CCDC187: variants seen among roughly 807,000 people sequenced by gnomAD.
CCDC187 encodes coiled-coil domain-containing protein 187.
A neutral mutation model predicts 38.0 loss-of-function variants in CCDC187; 32 were observed. The observed-to-expected ratio is 0.84, with a 90% confidence interval of 0.64 to 1.13. CCDC187 has a LOEUF of 1.13. CCDC187 is among the 50% of genes most tolerant of loss of function. The pLI is 0.00. For synonymous variants in CCDC187, 333 were observed against 347.9 expected (o/e 0.96, Z 0.48); for missense variants, 707 against 786.8 (o/e 0.90, Z 1.21).
chr9:136,258,685 A>G lies in CCDC187; in HGVS notation c.4366+247T>C. ...AGATGAACGAAGTTGCGACTAAAAC[A>G]ATCCCAGCCAGTTATGACTTTTAAT... On this transcript the variant is annotated intron_variant, in intron 22 of 25. Transcript: ENST00000638797. This position sits in a 1 kb window ranked among gnomAD's most constrained non-coding sequence, Gnocchi z 4.3. The G allele has an allele frequency of 1.0e-6, 1 of 985,394 alleles. No individual in the cohort carries two copies. The highest frequency in any genetic ancestry group is 1.2e-6 in the Non-Finnish European group (1 of 829,874). The allele number at this position is 985,394 out of a possible 1,614,324, so 61.0% of individuals were successfully genotyped here.
At chr9:136,271,678 G>T (rs537896774) in intron 14 of CCDC187, among the ~76,000 whole-genome samples, 249 of 147,472 alleles carry the variant, frequency 1.7e-3, no homozygotes, top group African/African-American at 6.0e-3. Context: ...CGCGATCTCG[G>T]CTCACTGCAA....
intron 14 of CCDC187, among the ~76,000 whole-genome samples, chr9:136,271,926 A>G (rs1245983478): frequency 6.6e-6 from 1 of 152,192 alleles, no homozygotes; most frequent in East Asian, 1.9e-4. Flanking sequence ...AAAAGCAGCC[A>G]GAGAAACAAA....
chr9:136,299,362 C>A (rs1181615892), intron 3 of CCDC187, among the ~76,000 whole-genome samples: 1 of 152,176 alleles, frequency 6.6e-6, no homozygotes, highest in East Asian at 1.9e-4. Context: ...CGACCTGGAC[C>A]CACCCGGCCG....
chr9:136,291,679 G>C (rs1456773858), intron 5 of CCDC187, 34 bp from the exon 6 acceptor site: 2 of 398,572 alleles, frequency 5.0e-6, no homozygotes, highest in African/African-American at 4.1e-5. Flanking sequence ...GTGAGGAGGG[G>C]AGCGGAGGGG....
rs2131360639 is a variant in CCDC187 at position 136,300,331 on chromosome 9, G to A, written c.626-13C>T. ...AAGATGCTGAAACCTGGAACAGGGTGAAAAGAAGAAGGCAGCGTGAGAAGA... is the reference window on the plus strand; with the variant it reads ...AAGATGCTGAAACCTGGAACAGGGTAAAAAGAAGAAGGCAGCGTGAGAAGA... On this transcript the variant is annotated splice_polypyrimidine_tract_variant and intron_variant, in intron 2 of 25. Transcript: ENST00000638797. The A allele has an allele frequency of 2.5e-6, 1 of 398,640 alleles. No individual in the cohort carries two copies. The highest frequency in any genetic ancestry group is 3.6e-5 in the East Asian group (1 of 28,078). The allele number at this position is 398,640 out of a possible 1,614,324, so 24.7% of individuals were successfully genotyped here. A position where few individuals can be genotyped will look rare whatever the true frequency, so the allele number is the denominator to read the frequency against.
At chr9:136,299,878 C>T (rs993339460) in intron 3 of CCDC187, among the ~76,000 whole-genome samples, 10 of 152,208 alleles carry the variant, frequency 6.6e-5, no homozygotes, top group Non-Finnish European at 1.5e-4. Flanking sequence ...AGACCCACTC[C>T]CTGTGGCTGG....
rs1249741337 is a variant in CCDC187, at chr9:136,291,259, A to T, written c.1354T>A (p.Ser452Thr). 1 of 398,280 alleles carries T rather than the reference A, an allele frequency of 2.5e-6. No individual in the cohort carries two copies. Among genetic ancestry groups the T allele is most frequent in the Admixed American group, 4.4e-5 (1 of 22,708 alleles). 24.7% of individuals were successfully genotyped at this position (398,280 alleles called of 1,614,324 possible). The change falls in exon 6 of 26, where the codon TCC becomes ACC. Residue 452 changes from serine to threonine, a missense_variant. Physicochemically the swap from Ser to Thr is moderately conservative, Grantham distance 58. Coordinates refer to ENST00000638797, the MANE Select transcript of CCDC187 (RefSeq NM_001378188.1). The part of the protein sequence containing the change: ...RSVHTWEPWS[S>T]STARESCPQR... ...GGACAGGACTCCCGTGCAGTGGAGG[A>T]GCTCCAGGGCTCCCAGGTGTGGACA...
At position 136,290,689 on chromosome 9, in the gene CCDC187, A is replaced by G. The variant is rs1358373044; in HGVS notation, c.1924T>C (p.Phe642Leu). The G allele has an allele frequency of 7.5e-6, 3 of 398,140 alleles. No individual in the cohort carries two copies. The highest frequency in any genetic ancestry group is 4.1e-5 in the African/African-American group (2 of 48,488). 24.7% of individuals were successfully genotyped at this position (398,140 alleles called of 1,614,324 possible). A position where few individuals can be genotyped will look rare whatever the true frequency, so the allele number is the denominator to read the frequency against. Residue 642 changes from phenylalanine to leucine, a missense_variant, in exon 6 of 26, where the codon TTC becomes CTC. Phe to Leu is a conservative substitution (Grantham distance 22). Transcript: ENST00000638797. ...CGGGCCTGCGCCTTCTGGCGCATGA[A>G]CTCCCGCAAGGACTCAGAGCTGTGC... is the stretch of plus-strand genomic sequence containing the variant. The part of the protein sequence containing the change: ...PSHSSESLRE[F>L]MRQKAQARRR...
chr9:136,259,008 G>T lies in CCDC187; in HGVS notation c.4297-7C>A. The T allele has an allele frequency of 2.0e-6, 2 of 986,058 alleles. No individual in the cohort carries two copies. The highest frequency in any genetic ancestry group is 2.4e-6 in the Non-Finnish European group (2 of 830,458). The allele number at this position is 986,058 out of a possible 1,614,324, so 61.1% of individuals were successfully genotyped here. Reference sequence around the variant, plus strand: ...GCCCCTCCGCCTCCTCGGCCTGGGGGGTGAGACGGGAGTGGACATGGCACA... The same window carrying T: ...GCCCCTCCGCCTCCTCGGCCTGGGGTGTGAGACGGGAGTGGACATGGCACA... On this transcript the variant is annotated splice_polypyrimidine_tract_variant and splice_region_variant and intron_variant, in intron 21 of 25. Coordinates refer to ENST00000638797, the MANE Select transcript of CCDC187 (RefSeq NM_001378188.1).
chr9:136,283,429 G>A (rs1831094470), intron 9 of CCDC187, among the ~76,000 whole-genome samples: 1 of 152,268 alleles, frequency 6.6e-6, no homozygotes, highest in South Asian at 2.1e-4. Context: ...GGACAGGCCA[G>A]GCCCCTTTCC....
At chr9:136,302,138 A>G (rs1444391539) in intron 2 of CCDC187, among the ~76,000 whole-genome samples, 3 of 152,052 alleles carry the variant, frequency 2.0e-5, no homozygotes, top group Admixed American at 6.6e-5. Context: ...TGAACCCGCA[A>G]TGAGATTGCA....
chr9:136,294,191 CA>C (rs1443045794), intron 4 of CCDC187, among the ~76,000 whole-genome samples: 1 of 151,790 alleles, frequency 6.6e-6, no homozygotes, highest in Non-Finnish European at 1.5e-5. Flanking sequence ...CACACGCCCT[CA>C]CATGTGCTCT....
Position 136,253,742 on chromosome 9 carries a change from T to C in CCDC187, c.6086A>G (p.Asn2029Ser). Residue 2029 changes from asparagine (N) to serine (S), a missense_variant, in exon 26 of 26, where the codon AAC (asparagine) becomes AGC (serine). Asn to Ser is a conservative substitution (Grantham distance 46). Transcript: ENST00000638797. ...PQAQSDGEDT[N>S]PCSDAFPSPP... Reference sequence around the variant, plus strand: ...GGAAGGGAAGGCATCCGAGCATGGGTTGGTGTCTTCACCATCACTCTGTGC... The same window carrying C: ...GGAAGGGAAGGCATCCGAGCATGGGCTGGTGTCTTCACCATCACTCTGTGC... 1 of 985,484 alleles carries C rather than the reference T, an allele frequency of 1.0e-6. No individual in the cohort carries two copies. The highest frequency in any genetic ancestry group is 1.2e-6 in the Non-Finnish European group (1 of 829,972). 61.0% of individuals were successfully genotyped at this position (985,484 alleles called of 1,614,324 possible). A position where few individuals can be genotyped will look rare whatever the true frequency, so the allele number is the denominator to read the frequency against.
intron 14 of CCDC187, among the ~76,000 whole-genome samples, chr9:136,268,588 C>A (rs1830787731): frequency 6.6e-6 from 1 of 152,186 alleles, no homozygotes; most frequent in South Asian, 2.1e-4. Flanking sequence ...GCCTGTACTT[C>A]AAGCGATCCT....
At chr9:136,293,362 C>G (rs1483117715) in intron 4 of CCDC187, among the ~76,000 whole-genome samples, 1 of 144,458 alleles carries the variant, frequency 6.9e-6, no homozygotes, top group African/African-American at 2.6e-5. Flanking sequence ...CACACACATT[C>G]ACATGCTCAC....
At chr9:136,300,441 T>C in intron 2 of CCDC187, 123 bp from the exon 3 acceptor site, 1 of 385,228 alleles carries the variant, frequency 2.6e-6, no homozygotes, top group East Asian at 3.7e-5. Context: ...TGAGACAGGG[T>C]CTCACTCTGT....
In CCDC187 at chr9:136,254,757, G is replaced by A. The variant is rs1588647964; in HGVS notation, c.5071C>T (p.Arg1691Trp). 5.1e-6 allele frequency: 5 copies of A among 985,536 alleles called. No individual in the cohort carries two copies. The highest frequency in any genetic ancestry group is 9.4e-5 in the South Asian group (2 of 21,288). The allele number at this position is 985,536 out of a possible 1,614,324, so 61.0% of individuals were successfully genotyped here. ...LSWRSNQGEP[R>W]PGSAPGGGGW... ...CCACCCCCAGGAGCACTGCCTGGCC[G>A]AGGCTCACCCTGGTTTGACCGCCAG... The change falls in exon 26 of 26, where the codon CGG becomes TGG. Residue 1691 changes from arginine (R) to tryptophan (W), a missense_variant. Transcript: ENST00000638797.
Position 136,292,148 on chromosome 9 carries a change from G to A in CCDC187, c.967+13C>T, listed in dbSNP as rs1831346725. The A allele has an allele frequency of 2.5e-6, 1 of 398,582 alleles. No homozygotes were observed. The highest frequency in any genetic ancestry group is 4.4e-6 in the Non-Finnish European group (1 of 226,130). 24.7% of individuals were successfully genotyped at this position (398,582 alleles called of 1,614,324 possible). A position where few individuals can be genotyped will look rare whatever the true frequency, so the allele number is the denominator to read the frequency against. On this transcript the variant is annotated intron_variant, in intron 5 of 25. Transcript: ENST00000638797. Reference sequence around the variant, plus strand: ...GCAGAGCAGGACAGAGCCCATGGCAGAGGCACAGGTACCTAAGTCCACGGT... The same window carrying A: ...GCAGAGCAGGACAGAGCCCATGGCAAAGGCACAGGTACCTAAGTCCACGGT...
At chr9:136,301,293 G>C (rs982557379) in intron 2 of CCDC187, among the ~76,000 whole-genome samples, 2 of 151,928 alleles carry the variant, frequency 1.3e-5, no homozygotes, top group African/African-American at 4.8e-5. Flanking sequence ...CCACCGCTAC[G>C]AAAACATGCA....
Sources: gnomAD v4.1 joint callset for allele counts (sites outside exome capture counted in the v4.1 genomes callset) on GRCh38, gnomAD v4.1.1 for gene constraint, Gnocchi (gnomAD v3.1) non-coding constraint, MANE v1.5 for transcripts, NCBI Gene and HGNC (gene_info 2026-07-23, HGNC 2026-07-21) for gene names.